UPP2: variants seen among roughly 807,000 people sequenced by gnomAD.
The protein encoded by UPP2 is uridine phosphorylase 2, also known as UPase 2.
Under a neutral mutation model 26.7 loss-of-function variants are expected in UPP2, and 23 were observed. That is an observed-to-expected ratio of 0.86 (90% CI 0.62 to 1.22). The LOEUF is 1.22. Among genes scored for constraint, UPP2 ranks in the 50% most tolerant of loss-of-function variants. The pLI is 0.00. For missense variants in UPP2, 387 were observed against 396.7 expected (o/e 0.98, Z 0.21); for synonymous variants, 127 against 141.3 (o/e 0.90, Z 0.72).
chr2:158,011,451 A>G (rs989989725), intron 2 of UPP2, among the ~76,000 whole-genome samples: 18 of 152,136 alleles, frequency 1.2e-4, no homozygotes, highest in African/African-American at 4.3e-4. Context: ...ACTGGAGAGA[A>G]GGAGCCCTCC....
intron 3 of UPP2, among the ~76,000 whole-genome samples, chr2:158,060,676 A>T (rs1682338407): frequency 6.6e-6 from 1 of 152,158 alleles, no homozygotes; most frequent in South Asian, 2.1e-4. Flanking sequence ...GTATCTGGAG[A>T]TGAAACCTTT....
In UPP2 at chr2:158,135,147, C is replaced by A; in HGVS notation, c.*257C>A. On this transcript the variant is annotated 3_prime_UTR_variant, in exon 7 of 7. Coordinates refer to ENST00000005756, the MANE Select transcript of UPP2 (RefSeq NM_173355.4). ...AAATTTTAAAACTCCTGGATTATGA[C>A]ATTTGGAGTTTCATATGCAGCATTA... 6.1e-6 allele frequency: 2 copies of A among 329,114 alleles called. 1 individual carries two copies. The highest frequency in any genetic ancestry group is 1.2e-4 in the South Asian group (2 of 16,284). The allele number at this position is 329,114 out of a possible 1,614,324, so 20.4% of individuals were successfully genotyped here.
intron 3 of UPP2, among the ~76,000 whole-genome samples, chr2:158,070,279 G>T (rs1197829920): frequency 6.6e-6 from 1 of 152,174 alleles, no homozygotes; most frequent in Admixed American, 6.5e-5. Flanking sequence ...GCATTCAGCA[G>T]CTTTTCCATT....
At chr2:158,074,164 G>A (rs2105189480) in intron 3 of UPP2, among the ~76,000 whole-genome samples, 1 of 152,262 alleles carries the variant, frequency 6.6e-6, no homozygotes, top group East Asian at 1.9e-4. Flanking sequence ...GTGACAGAGT[G>A]AGACCCTGTC....
intron 2 of UPP2, among the ~76,000 whole-genome samples, chr2:158,114,259 C>T (rs984168451): frequency 9.9e-5 from 15 of 152,128 alleles, no homozygotes; most frequent in Non-Finnish European, 7.4e-5. Context: ...GTGCTTCCTC[C>T]TGGGTGTGAG....
intron 2 of UPP2, among the ~76,000 whole-genome samples, chr2:158,007,347 T>C (rs988934179): frequency 1.3e-5 from 2 of 152,166 alleles, no homozygotes; most frequent in African/African-American, 4.8e-5. Flanking sequence ...AAGCCCAAGC[T>C]CTTTCCACTC....
At chr2:158,128,107 T>C (rs552975851) in intron 6 of UPP2, 20 of 744,960 alleles carry the variant, frequency 2.7e-5, no homozygotes, top group South Asian at 6.1e-5. Context: ...CCTGACAATA[T>C]ATGAAGCCTA....
intron 4 of UPP2, among the ~76,000 whole-genome samples, chr2:158,119,291 T>C (rs1683508927): frequency 6.6e-6 from 1 of 152,068 alleles, no homozygotes; most frequent in Admixed American, 6.5e-5. Context: ...TTTTATTTCA[T>C]GGCAACACGA....
intron 3 of UPP2, among the ~76,000 whole-genome samples, chr2:158,078,171 T>A (rs943843128): frequency 2.6e-5 from 4 of 152,182 alleles, no homozygotes; most frequent in African/African-American, 9.6e-5. Context: ...GAAACCCTTG[T>A]ACACTGTTGG....
chr2:158,124,559 C>T (rs976152827), intron 6 of UPP2, among the ~76,000 whole-genome samples: 2 of 152,122 alleles, frequency 1.3e-5, no homozygotes, highest in Non-Finnish European at 1.5e-5. Flanking sequence ...ATCACAGTGG[C>T]GGCTCAGCTG....
chr2:158,124,031 C>CA, intron 6 of UPP2, 136 bp downstream of exon 6: 2 of 892,806 alleles, frequency 2.2e-6, no homozygotes, highest in Non-Finnish European at 3.3e-6. Context: ...ATATAATATA[C>CA]ATTATCTCAT....
intron 3 of UPP2, among the ~76,000 whole-genome samples, chr2:158,091,960 A>G (rs1328550214): frequency 6.7e-6 from 1 of 148,640 alleles, no homozygotes; most frequent in Non-Finnish European, 1.5e-5. Context: ...GGGTGTAGAT[A>G]CAGGGTGGAG....
At chr2:158,011,143 A>C (rs1558902789) in intron 2 of UPP2, among the ~76,000 whole-genome samples, 1 of 152,200 alleles carries the variant, frequency 6.6e-6, no homozygotes, top group African/African-American at 2.4e-5. Context: ...ACCAGAGCTC[A>C]TACAGAGCGC....
chr2:158,103,617 G>A (rs1266561341), intron 1 of UPP2, among the ~76,000 whole-genome samples: 1 of 152,198 alleles, frequency 6.6e-6, no homozygotes, highest in Non-Finnish European at 1.5e-5. Flanking sequence ...TCCAGGTCGT[G>A]AAAGTAGTCT....
At chr2:158,033,168 C>T (rs895441012) in intron 3 of UPP2, among the ~76,000 whole-genome samples, 2 of 152,064 alleles carry the variant, frequency 1.3e-5, no homozygotes, top group African/African-American at 4.8e-5. Flanking sequence ...GGAGGGGGGC[C>T]CCAAAGGTGG....
At chr2:158,001,957 CAAAAAAA>C (rs200818827) in intron 2 of UPP2, among the ~76,000 whole-genome samples, 58 of 65,498 alleles carry the variant, frequency 8.9e-4, no homozygotes, top group Middle Eastern at 0.012. Context: ...GAATGAGCAC[CAAAAAAA>C]AAAAAAAAAA....
intron 3 of UPP2, among the ~76,000 whole-genome samples, chr2:158,029,803 T>G (rs561351152): frequency 6.6e-6 from 1 of 152,008 alleles, no homozygotes; most frequent in African/African-American, 2.4e-5. Flanking sequence ...TTCTTTTTTT[T>G]TTTTTTTTTA....
At chr2:158,127,097 CA>C (rs1245694935) in intron 6 of UPP2, among the ~76,000 whole-genome samples, 5 of 152,222 alleles carry the variant, frequency 3.3e-5, no homozygotes, top group African/African-American at 4.8e-5. Context: ...CTACTTAGCA[CA>C]AGGAGGCCTT....
chr2:158,103,007 A>C (rs899588481), intron 1 of UPP2, among the ~76,000 whole-genome samples: 1 of 152,252 alleles, frequency 6.6e-6, no homozygotes, highest in Non-Finnish European at 1.5e-5. Flanking sequence ...TAAAAAGACT[A>C]TTCTATGTGT....
Sources: allele counts gnomAD v4.1 joint callset (sites outside exome capture counted in the v4.1 genomes callset), GRCh38; gene constraint gnomAD v4.1.1; transcripts MANE v1.5; gene names NCBI Gene and HGNC (gene_info 2026-07-23, HGNC 2026-07-21).